ATG12: variants seen among roughly 807,000 people sequenced by gnomAD.
ATG12 encodes ubiquitin-like protein ATG12.
A neutral mutation model predicts 17.6 loss-of-function variants in ATG12; 19 were observed. That is an observed-to-expected ratio of 1.08 (90% CI 0.75 to 1.58). The LOEUF is 1.58. Ranked by LOEUF, ATG12 falls within the 40% of genes most tolerant of loss-of-function variation. The pLI, the probability that ATG12 is intolerant of heterozygous loss-of-function variation, is 0.00. For missense variants in ATG12, 214 were observed against 162.0 expected, an observed-to-expected ratio of 1.32 and a Z score of -1.74; for synonymous variants, 75 against 62.4, an observed-to-expected ratio of 1.20 and a Z score of -0.95.
At chr5:115,837,502 G>A in intron 2 of ATG12, 126 bp downstream of exon 2, 2 of 994,658 alleles carry the variant, frequency 2.0e-6, no homozygotes, top group Non-Finnish European at 1.5e-6. Flanking sequence ...AAAATAAAGG[G>A]ATAAAAGGGC....
chr5:115,837,800 C>G (rs763121510), intron 1 of ATG12, 36 bp from the exon 2 acceptor site: 2 of 1,546,066 alleles, frequency 1.3e-6, no homozygotes, highest in African/African-American at 2.8e-5. Flanking sequence ...GACAATTACA[C>G]TGAAACATCT....
chr5:115,841,162 G>C, intron 1 of ATG12: 2 of 472,564 alleles, frequency 4.2e-6, no homozygotes, highest in Non-Finnish European at 7.2e-6. Context: ...ATAAAAATAA[G>C]TGTGGCAGCC....
At chr5:115,840,962 G>A (rs1418082107) in intron 1 of ATG12, 1 of 1,125,044 alleles carries the variant, frequency 8.9e-7, no homozygotes, top group Non-Finnish European at 1.2e-6. Context: ...GCAAAAGCGA[G>A]TTAAGTTGGA....
chr5:115,840,908 T>C, intron 1 of ATG12: 1 of 1,288,180 alleles, frequency 7.8e-7, no homozygotes, highest in Non-Finnish European at 1.0e-6. Flanking sequence ...ATTTGGTTTT[T>C]GGTTTAAGGA....
intron 2 of ATG12, chr5:115,833,345 T>C (rs1219439264): frequency 6.6e-6 from 1 of 152,044 alleles, no homozygotes; most frequent in African/African-American, 2.4e-5. Flanking sequence ...AATATCCAAA[T>C]TTGGGACTAA....
intron 1 of ATG12, among the ~76,000 whole-genome samples, chr5:115,839,733 T>A (rs570670612): frequency 6.6e-6 from 1 of 152,344 alleles, no homozygotes; most frequent in African/African-American, 2.4e-5. Flanking sequence ...TCAACAATCT[T>A]TCTTCTGTAG....
chr5:115,831,964 A>G, intron 3 of ATG12, 101 bp from the exon 4 acceptor site: 1 of 1,081,156 alleles, frequency 9.2e-7, no homozygotes, highest in South Asian at 1.4e-5. Flanking sequence ...CCACACACGT[A>G]TATTAAGTTA....
chr5:115,837,972 T>G (rs982099476), intron 1 of ATG12: 2 of 429,222 alleles, frequency 4.7e-6, no homozygotes, highest in Admixed American at 8.7e-5. Context: ...GGACTAATTT[T>G]TAAAATGCCT....
chr5:115,838,359 C>T (rs1761190878), intron 1 of ATG12: 1 of 152,206 alleles, frequency 6.6e-6, no homozygotes, highest in South Asian at 2.1e-4. Context: ...TTGGAGGTGA[C>T]TGATTAAATA....
intron 2 of ATG12, among the ~76,000 whole-genome samples, chr5:115,835,717 C>G (rs1377244497): frequency 1.3e-5 from 2 of 152,144 alleles, no homozygotes; most frequent in Non-Finnish European, 2.9e-5. Flanking sequence ...CACTTTACTT[C>G]CCGGTCAGGA....
intron 2 of ATG12, among the ~76,000 whole-genome samples, chr5:115,835,987 C>T (rs992535365): frequency 2.6e-5 from 4 of 152,146 alleles, no homozygotes; most frequent in African/African-American, 9.7e-5. Context: ...CGTGTACCTT[C>T]TGATTCCACC....
intron 2 of ATG12, among the ~76,000 whole-genome samples, chr5:115,836,553 G>A (rs1761109642): frequency 6.6e-6 from 1 of 151,996 alleles, no homozygotes. Flanking sequence ...GCTCCTCCCT[G>A]ACAAAAAGAA....
Position 115,831,517 on chromosome 5 carries a change from G to A in ATG12, c.*287C>T. On this transcript the variant is annotated 3_prime_UTR_variant, in exon 4 of 4. Transcript: ENST00000509910. ...CAATGAAGATGTTTATACAGTCTTA[G>A]TCTCCTTTTCAACCTTGGAGGCAGA... The A allele has an allele frequency of 6.0e-6, 3 of 496,326 alleles. No individual in the cohort carries two copies. Among genetic ancestry groups the A allele is most frequent in the Non-Finnish European group, 1.1e-5 (3 of 280,472 alleles). 30.7% of individuals were successfully genotyped at this position (496,326 alleles called of 1,614,324 possible).
rs1760789660 is a variant in ATG12 at position 115,829,790 on chromosome 5, A to G, written c.*2014T>C. 6.6e-6 allele frequency: 1 copy of G among 152,186 alleles called. No individual in the cohort carries two copies. The allele number at this position is 152,186 out of a possible 1,614,324, so 9.4% of individuals were successfully genotyped here. On this transcript the variant is annotated 3_prime_UTR_variant, in exon 4 of 4. Transcript: ENST00000509910. ...AGAATAATTCTTTGAGTAAAGATCA[A>G]GAAATAATTAAATATGATTTGAAAA...
Position 115,840,636 on chromosome 5 carries a change from T to C in ATG12, c.163+754A>G, listed in dbSNP as rs1481998533. On this transcript the variant is annotated intron_variant, in intron 1 of 3. Coordinates refer to ENST00000509910, the MANE Select transcript of ATG12 (RefSeq NM_004707.4). ...ATCTTAAGACAGAACGGGGAAAACG[T>C]CTAAGGACGAAATCAGCCTCTCTGA... is the stretch of plus-strand genomic sequence containing the variant. 5.6e-6 allele frequency: 7 copies of C among 1,255,304 alleles called. No individual in the cohort carries two copies. In the African/African-American group the frequency reaches 1.1e-4, roughly 20 times the overall value. 77.8% of individuals were successfully genotyped at this position (1,255,304 alleles called of 1,614,324 possible). A position where few individuals can be genotyped will look rare whatever the true frequency, so the allele number is the denominator to read the frequency against.
At chr5:115,839,395 G>A (rs1442402204) in intron 1 of ATG12, 1 of 152,142 alleles carries the variant, frequency 6.6e-6, no homozygotes, top group Non-Finnish European at 1.5e-5. Flanking sequence ...TGAATTTGGA[G>A]ATAACGTGGG....
At chr5:115,833,296 CAA>C (rs1412914862) in intron 2 of ATG12, 1 of 151,874 alleles carries the variant, frequency 6.6e-6, no homozygotes, top group African/African-American at 2.4e-5. Context: ...TTTTGGAAAA[CAA>C]AACTTTATTT....
In ATG12 at chr5:115,832,584, T is replaced by C. The variant is rs1291807881; in HGVS notation, c.363+18A>G. ...AGTAATTTCTTTCTTTTTTTTTTTTTTTTTTTTTTTTTTTTACCTCATAGA... is the reference window on the plus strand; with the variant it reads ...AGTAATTTCTTTCTTTTTTTTTTTTCTTTTTTTTTTTTTTTACCTCATAGA... On this transcript the variant is annotated intron_variant, in intron 3 of 3. Coordinates refer to ENST00000509910, the MANE Select transcript of ATG12 (RefSeq NM_004707.4). The C allele has an allele frequency of 3.5e-6, 5 of 1,416,200 alleles. No homozygotes were observed. Among genetic ancestry groups the C allele is most frequent in the East Asian group, 2.9e-5 (1 of 34,448 alleles). The allele number at this position is 1,416,200 out of a possible 1,614,324, so 87.7% of individuals were successfully genotyped here.
intron 2 of ATG12, among the ~76,000 whole-genome samples, chr5:115,836,712 A>G (rs997028503): frequency 6.6e-6 from 1 of 152,186 alleles, no homozygotes; most frequent in Non-Finnish European, 1.5e-5. Context: ...CTATCCACTC[A>G]TGCTATCTGA....
Sources: gnomAD v4.1 joint callset for allele counts (sites outside exome capture counted in the v4.1 genomes callset) on GRCh38, gnomAD v4.1.1 for gene constraint, MANE v1.5 for transcripts, NCBI Gene and HGNC (gene_info 2026-07-23, HGNC 2026-07-21) for gene names.